JMJD1C: variants seen among roughly 807,000 people sequenced by gnomAD.
JMJD1C encodes jumonji domain containing 1C.
Under a neutral mutation model 245.3 loss-of-function variants are expected in JMJD1C, and 31 were observed. That is an observed-to-expected ratio of 0.13 (90% confidence interval 0.09 to 0.17). The LOEUF is 0.17. Among genes scored for constraint, JMJD1C ranks in the 10% least tolerant of loss-of-function variants. The pLI is 1.00. For missense variants in JMJD1C, 2,691 were observed against 3,000.2 expected (o/e 0.90, Z 2.41); for synonymous variants, 1,057 against 1,017.4 (o/e 1.04, Z -0.74).
chr10:63,426,354 C>T (rs181252462), intron 1 of JMJD1C, among the ~76,000 whole-genome samples: 1 of 151,712 alleles, frequency 6.6e-6, no homozygotes, highest in African/African-American at 2.4e-5. Flanking sequence ...AAAACCCTAT[C>T]TATTAAAAAA....
intron 1 of JMJD1C, among the ~76,000 whole-genome samples, chr10:63,410,568 G>T (rs1253736671): frequency 6.6e-6 from 1 of 152,098 alleles, no homozygotes; most frequent in South Asian, 2.1e-4. Context: ...ACAGAGCCAG[G>T]ACCAGAAATC....
chr10:63,446,690 T>C (rs1951738399), intron 1 of JMJD1C, among the ~76,000 whole-genome samples: 1 of 151,974 alleles, frequency 6.6e-6, no homozygotes, highest in Non-Finnish European at 1.5e-5. Flanking sequence ...AAGAAGGTGA[T>C]TAACCATATT....
intron 1 of JMJD1C, among the ~76,000 whole-genome samples, chr10:63,463,246 T>C (rs964283801): frequency 6.6e-6 from 1 of 152,060 alleles, no homozygotes; most frequent in Non-Finnish European, 1.5e-5. Flanking sequence ...CTCACTGCAG[T>C]CTCAACCTCA....
At chr10:63,208,987 A>G in intron 9 of JMJD1C, 76 bp downstream of exon 9, 1 of 1,284,380 alleles carries the variant, frequency 7.8e-7, no homozygotes, top group Non-Finnish European at 1.1e-6. Context: ...GTTAACTTAA[A>G]ATTAACTATT....
chr10:63,474,779 A>T (rs1273523862), intron 1 of JMJD1C, among the ~76,000 whole-genome samples: 3 of 152,216 alleles, frequency 2.0e-5, no homozygotes, highest in African/African-American at 7.2e-5. Flanking sequence ...GAGCAAAATA[A>T]AATCAAAGAG....
intron 2 of JMJD1C, among the ~76,000 whole-genome samples, chr10:63,345,843 T>C (rs573454007): frequency 6.6e-4 from 100 of 152,252 alleles, no homozygotes; most frequent in Middle Eastern, 3.4e-3. Context: ...AATTTTTTTT[T>C]CCAGAAATCA....
chr10:63,315,438 T>C (rs948151983), intron 2 of JMJD1C, among the ~76,000 whole-genome samples: 2 of 152,226 alleles, frequency 1.3e-5, no homozygotes, highest in East Asian at 3.8e-4. Flanking sequence ...CCTTCTGCCA[T>C]AAGAACCTTA....
chr10:63,246,155 A>G (rs921836664), intron 3 of JMJD1C, among the ~76,000 whole-genome samples: 11 of 152,226 alleles, frequency 7.2e-5, no homozygotes, highest in Non-Finnish European at 1.6e-4. Context: ...CAGAAAGTGG[A>G]AAGCAATAAT....
chr10:63,195,129 G>A (rs560255524), intron 13 of JMJD1C, among the ~76,000 whole-genome samples: 15 of 152,110 alleles, frequency 9.9e-5, no homozygotes, highest in South Asian at 4.2e-4. Flanking sequence ...CCAAGGCAGC[G>A]GATCACTTGA....
chr10:63,176,671 T>C (rs2132809391), intron 23 of JMJD1C, 198 bp from the exon 24 acceptor site: 1 of 543,222 alleles, frequency 1.8e-6, no homozygotes. Flanking sequence ...AATACAGCAA[T>C]GCTGAAATGC....
intron 1 of JMJD1C, among the ~76,000 whole-genome samples, chr10:63,421,225 G>A (rs972727277): frequency 6.6e-5 from 10 of 152,018 alleles, no homozygotes; most frequent in Admixed American, 2.0e-4. Flanking sequence ...TCCCAACTAC[G>A]CGGGAGGCTG....
intron 2 of JMJD1C, among the ~76,000 whole-genome samples, chr10:63,327,671 A>AT (rs1164094569): frequency 0.011 from 1,634 of 149,866 alleles, 29 homozygotes; most frequent in African/African-American, 0.034. Context: ...ACACAGAAAA[A>AT]ATTTTTTTTT....
Position 63,301,259 on chromosome 10 carries a change from C to T in JMJD1C, c.334-36495G>A, listed in dbSNP as rs1860038534. On this transcript the variant is annotated intron_variant, in intron 2 of 25. Transcript: ENST00000399262. ...TGAACTCCTGGCCCCAAGCAATCCT[C>T]CCACCTTGGCCTACCAAAGTGCTGG... Among the ~76,000 whole-genome samples, 3 of 152,226 alleles carry T rather than the reference C, an allele frequency of 2.0e-5. No individual in the cohort carries two copies. The South Asian group carries it at 6.2e-4, about 32-fold the overall frequency.
At chr10:63,276,419 C>T (rs1042519098) in intron 2 of JMJD1C, among the ~76,000 whole-genome samples, 4 of 148,658 alleles carry the variant, frequency 2.7e-5, no homozygotes, top group African/African-American at 7.4e-5. Context: ...TGAGCCGAGA[C>T]CCCGCCACTG....
chr10:63,247,102 C>CAA (rs200646094), intron 3 of JMJD1C, among the ~76,000 whole-genome samples: 2 of 60,858 alleles, frequency 3.3e-5, no homozygotes, highest in Admixed American at 1.5e-4. Context: ...TAAACTGAGA[C>CAA]AAAAAAAACA....
chr10:63,353,383 T>G (rs1190104517), intron 2 of JMJD1C, among the ~76,000 whole-genome samples: 6 of 152,224 alleles, frequency 3.9e-5, no homozygotes, highest in African/African-American at 1.4e-4. Flanking sequence ...TAAATGAATA[T>G]ATTTGGTCTA....
At position 63,280,997 on chromosome 10, in the gene JMJD1C, G is replaced by A. The variant is rs191343010; in HGVS notation, c.334-16233C>T. On this transcript the variant is annotated intron_variant, in intron 2 of 25. Coordinates refer to ENST00000399262, the MANE Select transcript of JMJD1C (RefSeq NM_032776.3). Reference sequence around the variant, plus strand: ...TTTTGAGACGGAGTCTTGCTGTGTCGCCCAGGATGGAGTGCAGTGGTGCGA... The same window carrying A: ...TTTTGAGACGGAGTCTTGCTGTGTCACCCAGGATGGAGTGCAGTGGTGCGA... Among the ~76,000 whole-genome samples the A allele has an allele frequency of 1.9e-3, 282 of 149,294 alleles. 1 individual carries two copies. Among genetic ancestry groups the A allele is most frequent in the Admixed American group, 7.2e-3 (107 of 14,876 alleles).
chr10:63,354,283 A>G (rs1944613113), intron 2 of JMJD1C, among the ~76,000 whole-genome samples: 1 of 152,256 alleles, frequency 6.6e-6, no homozygotes, highest in African/African-American at 2.4e-5. Context: ...CACTAAGAGA[A>G]GGGTAGTCAC....
At chr10:63,465,388 G>A (rs1245581415) in intron 1 of JMJD1C, 107 bp downstream of exon 1, 14 of 1,182,094 alleles carry the variant, frequency 1.2e-5, no homozygotes, top group East Asian at 2.6e-5. Context: ...GGGCGTGACC[G>A]CCAGTTGGCC....
Sources: allele counts gnomAD v4.1 joint callset (sites outside exome capture counted in the v4.1 genomes callset), GRCh38; gene constraint gnomAD v4.1.1; transcripts MANE v1.5; gene names NCBI Gene and HGNC (gene_info 2026-07-23, HGNC 2026-07-21).